MAP3K19: variants seen among roughly 807,000 people sequenced by gnomAD.
MAP3K19 encodes mitogen-activated protein kinase kinase kinase 19.
A neutral mutation model predicts 114.4 loss-of-function variants in MAP3K19; 91 were observed. The observed-to-expected ratio is 0.80, with a 90% CI of 0.67 to 0.95. The LOEUF (loss-of-function observed/expected upper bound fraction) is 0.95, where lower values mean the gene tolerates loss of function less well. MAP3K19 is among the 40% of genes least tolerant of loss of function. The pLI, the probability that MAP3K19 is intolerant of heterozygous loss-of-function variation, is 0.00. For missense variants in MAP3K19, 1,471 were observed against 1,573.2 expected (o/e 0.94, Z 1.10); for synonymous variants, 518 against 530.5 (o/e 0.98, Z 0.32).
chr2:134,985,919 T>C lies in MAP3K19; in HGVS notation c.2953A>G (p.Asn985Asp), dbSNP rs756881513. 6.8e-5 allele frequency: 109 copies of C among 1,614,068 alleles called. 1 individual carries two copies. In the Admixed American group the frequency reaches 1.1e-3, roughly 17 times the overall value. ...AELLALDEKD[N>D]NSCQKMANET... ...TTTGCCATTTTTTGGCAAGAGTTGT[T>C]ATCTTTCTCATCAAGAGCTAATAAT... The change falls in exon 10 of 13, where the codon AAC becomes GAC. Residue 985 changes from asparagine (N) to aspartate (D), a missense_variant. Asn to Asp is a conservative substitution (Grantham distance 23). Coordinates refer to ENST00000392915, the MANE Select transcript of MAP3K19 (RefSeq NM_025052.5).
Position 134,980,861 on chromosome 2 carries a change from A to G in MAP3K19, c.3880T>C (p.Ser1294Pro). 6.2e-7 allele frequency: 1 copy of G among 1,614,118 alleles called. No homozygotes were observed. The highest frequency in any genetic ancestry group is 1.7e-5 in the Admixed American group (1 of 60,024). Reference protein sequence around the residue: ...GLMPPLPDHFSENAADFVRMC... With the variant: ...GLMPPLPDHFPENAADFVRMC... ...CGCACAAAGTCTGCTGCATTTTCTG[A>G]GAAGTGGTCTGGTAAAGGAGGCATC... is the stretch of plus-strand genomic sequence containing the variant. Residue 1294 changes from serine (S) to proline (P), a missense_variant, in exon 12 of 13, where the codon TCA becomes CCA. Ser to Pro is a moderately conservative substitution (Grantham distance 74, BLOSUM62 -1). Transcript: ENST00000392915.
intron 12 of MAP3K19, among the ~76,000 whole-genome samples, chr2:134,970,063 G>A (rs1683761696): frequency 6.6e-6 from 1 of 152,154 alleles, no homozygotes; most frequent in Non-Finnish European, 1.5e-5. Flanking sequence ...GTGACATAGT[G>A]TGATGCCTCC....
At chr2:135,037,976 T>C (rs1340659763) in intron 2 of MAP3K19, among the ~76,000 whole-genome samples, 5 of 152,210 alleles carry the variant, frequency 3.3e-5, no homozygotes, top group Non-Finnish European at 7.3e-5. Flanking sequence ...TCTGGCACGC[T>C]AACTCATTAG....
intron 6 of MAP3K19, among the ~76,000 whole-genome samples, chr2:135,001,157 G>A (rs1405305571): frequency 6.6e-6 from 1 of 150,822 alleles, no homozygotes; most frequent in African/African-American, 2.4e-5. Context: ...ATTCCAAAAT[G>A]AAAAGTTTTG....
At chr2:135,042,040 T>A (rs1688656431) in intron 1 of MAP3K19, among the ~76,000 whole-genome samples, 1 of 152,200 alleles carries the variant, frequency 6.6e-6, no homozygotes, top group Non-Finnish European at 1.5e-5. Context: ...AGATGCTATA[T>A]GCCCTTCAGC....
intron 6 of MAP3K19, among the ~76,000 whole-genome samples, chr2:135,002,824 T>A (rs1002749440): frequency 1.3e-5 from 2 of 152,134 alleles, no homozygotes; most frequent in Non-Finnish European, 2.9e-5. Context: ...TGAGGGTCAG[T>A]AGCAGCCAGT....
chr2:135,035,615 A>T (rs1416901872), intron 2 of MAP3K19, among the ~76,000 whole-genome samples: 1 of 152,210 alleles, frequency 6.6e-6, no homozygotes, highest in Admixed American at 6.5e-5. Context: ...ATTGCACATT[A>T]ATATGAATAT....
At chr2:135,000,481 C>T (rs182721856) in intron 6 of MAP3K19, among the ~76,000 whole-genome samples, 15 of 152,314 alleles carry the variant, frequency 9.8e-5, no homozygotes, top group African/African-American at 2.2e-4. Context: ...ATAGAATACG[C>T]GCTTGCTCAC....
At chr2:135,030,107 A>G (rs1379484351) in intron 3 of MAP3K19, among the ~76,000 whole-genome samples, 2 of 152,162 alleles carry the variant, frequency 1.3e-5, no homozygotes, top group African/African-American at 4.8e-5. Context: ...GAAGGTGGAA[A>G]TCGACTGCTC....
chr2:135,033,254 ACCTC>A (rs1275125304), intron 2 of MAP3K19, among the ~76,000 whole-genome samples: 3 of 85,828 alleles, frequency 3.5e-5, no homozygotes, highest in Non-Finnish European at 6.2e-5. Context: ...TGACCCCCCC[ACCTC>A]CCTCCCAGAC....
At position 134,991,522 on chromosome 2, in the gene MAP3K19, T is replaced by C. The variant is rs1169782576; in HGVS notation, c.618+15A>G. 3.1e-6 allele frequency: 5 copies of C among 1,610,410 alleles called. No homozygotes were observed. Among genetic ancestry groups the C allele is most frequent in the Non-Finnish European group, 4.2e-6 (5 of 1,176,590 alleles). On this transcript the variant is annotated intron_variant, in intron 9 of 12. Coordinates refer to ENST00000392915, the MANE Select transcript of MAP3K19 (RefSeq NM_025052.5). ...GTTTTAATTCTCAAGTCAAAAATGC[T>C]AGCACTAATCTTACCTTGATGCTTC... is the stretch of plus-strand genomic sequence containing the variant.
rs538169691 is a variant in MAP3K19, at chr2:134,985,143, A to G, written c.3072+657T>C. Among the ~76,000 whole-genome samples the G allele has an allele frequency of 3.3e-5, 5 of 152,354 alleles. No homozygotes were observed. The East Asian group carries it at 7.7e-4, about 23-fold the overall frequency. ...ATGTGTTGATCTTCTTCCCCACTCC[A>G]TGCCAACTCTCATGCCAAACAAAAT... is the stretch of plus-strand genomic sequence containing the variant. On this transcript the variant is annotated intron_variant, in intron 10 of 12. Coordinates refer to ENST00000392915, the MANE Select transcript of MAP3K19 (RefSeq NM_025052.5).
Position 135,021,695 on chromosome 2 carries a change from C to T in MAP3K19, c.138+20G>A, listed in dbSNP as rs757819024. On this transcript the variant is annotated intron_variant, in intron 5 of 12. Transcript: ENST00000392915. ...AGATGGAGTAGGCTGTCCGTTGTTT[C>T]TTTAAAGGGAGGCTCTTACCTCACT... 1 of 1,461,272 alleles carries T rather than the reference C, an allele frequency of 6.8e-7. No homozygotes were observed. The highest frequency in any genetic ancestry group is 1.2e-5 in the South Asian group (1 of 84,568). The allele number at this position is 1,461,272 out of a possible 1,614,324, so 90.5% of individuals were successfully genotyped here. A position where few individuals can be genotyped will look rare whatever the true frequency, so the allele number is the denominator to read the frequency against.
At chr2:134,967,612 A>G (rs558997759) in intron 12 of MAP3K19, among the ~76,000 whole-genome samples, 4 of 152,364 alleles carry the variant, frequency 2.6e-5, no homozygotes, top group South Asian at 2.1e-4. Flanking sequence ...GTCCAGTCAT[A>G]GTACCTTCCC....
At chr2:134,973,785 A>T (rs1048552256) in intron 12 of MAP3K19, among the ~76,000 whole-genome samples, 1 of 151,982 alleles carries the variant, frequency 6.6e-6, no homozygotes, top group Non-Finnish European at 1.5e-5. Context: ...TGAGTTTTAC[A>T]CTTTCATATG....
intron 5 of MAP3K19, among the ~76,000 whole-genome samples, chr2:135,019,819 AGTTT>A (rs1430997832): frequency 3.9e-5 from 6 of 152,100 alleles, no homozygotes; most frequent in African/African-American, 1.4e-4. Flanking sequence ...CACTGTTGCC[AGTTT>A]GTTGTACATC....
intron 1 of MAP3K19, among the ~76,000 whole-genome samples, chr2:135,046,487 G>A (rs1366944091): frequency 6.6e-6 from 1 of 152,092 alleles, no homozygotes; most frequent in East Asian, 1.9e-4. Flanking sequence ...TGTTGGGCAG[G>A]CTGGTCTCGA....
chr2:135,031,671 G>A (rs1347195002), intron 2 of MAP3K19, among the ~76,000 whole-genome samples: 1 of 152,196 alleles, frequency 6.6e-6, no homozygotes, highest in African/African-American at 2.4e-5. Context: ...GGGAAGTGGG[G>A]AACCAGGGAG....
At chr2:135,015,062 A>C (rs1574024408) in intron 5 of MAP3K19, among the ~76,000 whole-genome samples, 1 of 152,354 alleles carries the variant, frequency 6.6e-6, no homozygotes, top group East Asian at 1.9e-4. Flanking sequence ...GTATGTATTT[A>C]GGAGCAGAAT....
Sources: allele counts gnomAD v4.1 joint callset (sites outside exome capture counted in the v4.1 genomes callset), GRCh38; gene constraint gnomAD v4.1.1; transcripts MANE v1.5; gene names NCBI Gene and HGNC (gene_info 2026-07-23, HGNC 2026-07-21).